The following EPHA4 variants were observed in gnomAD, a reference collection of about 807,000 sequenced individuals.
The protein encoded by EPHA4 is ephrin type-A receptor 4.
Under a neutral mutation model 108.3 loss-of-function variants are expected in EPHA4, and 19 were observed. The ratio of observed to expected loss-of-function variants is 0.18; its 90% CI spans 0.12 to 0.26. EPHA4 has a LOEUF of 0.26. EPHA4 is among the 10% of genes least tolerant of loss of function. EPHA4 has a pLI of 1.00. For synonymous variants in EPHA4, 449 were observed against 455.5 expected (o/e 0.99, Z 0.18); for missense variants, 917 against 1,254.0 (o/e 0.73, Z 4.06).
chr2:221,566,872 A>AAGAAGAAGAAGGAGAAGGAGAAGG (rs1553595907), intron 2 of EPHA4, among the ~76,000 whole-genome samples: 39 of 41,584 alleles, frequency 9.4e-4, no homozygotes, highest in East Asian at 2.3e-3. Context: ...GAAGAAGAAG[A>AAGAAGAAGAAGGAGAAGGAGAAGG]AGAAGGAGAA....
At chr2:221,554,787 T>G (rs1283131580) in intron 3 of EPHA4, among the ~76,000 whole-genome samples, 1 of 152,178 alleles carries the variant, frequency 6.6e-6, no homozygotes, top group Non-Finnish European at 1.5e-5. Context: ...ATCCCAGTGG[T>G]GATTTGTACA....
chr2:221,421,783 A>T (rs1689768980), intron 17 of EPHA4, among the ~76,000 whole-genome samples: 1 of 152,252 alleles, frequency 6.6e-6, no homozygotes, highest in South Asian at 2.1e-4. Flanking sequence ...GCAGTAATTA[A>T]GACCAAAATG....
intron 3 of EPHA4, among the ~76,000 whole-genome samples, chr2:221,534,321 G>T (rs913350433): frequency 4.6e-5 from 7 of 152,220 alleles, no homozygotes; most frequent in African/African-American, 1.4e-4. Context: ...CTCTGTTTCT[G>T]CCCTGGATTC....
chr2:221,485,191 T>C (rs1023161431), intron 4 of EPHA4, among the ~76,000 whole-genome samples: 1 of 152,096 alleles, frequency 6.6e-6, no homozygotes, highest in Non-Finnish European at 1.5e-5. Flanking sequence ...AATTAGTATG[T>C]AGGACGGGGC....
chr2:221,452,532 T>C (rs1379338134), intron 8 of EPHA4, among the ~76,000 whole-genome samples: 2 of 152,218 alleles, frequency 1.3e-5, no homozygotes, highest in African/African-American at 4.8e-5. Context: ...TGGCTGAGTG[T>C]GCATGAGCCG....
At chr2:221,443,077 C>G (rs1056918109) in intron 10 of EPHA4, 63 bp from the exon 11 acceptor site, 22 of 1,528,844 alleles carry the variant, frequency 1.4e-5, no homozygotes, top group Non-Finnish European at 2.0e-5. Flanking sequence ...AGAATAACAG[C>G]TAACATTCCT....
At chr2:221,444,214 G>C (rs1263208817) in intron 9 of EPHA4, among the ~76,000 whole-genome samples, 3 of 152,196 alleles carry the variant, frequency 2.0e-5, no homozygotes, top group Non-Finnish European at 4.4e-5. Context: ...AGATATTCAA[G>C]TTTGCCAGAA....
intron 3 of EPHA4, among the ~76,000 whole-genome samples, chr2:221,509,922 T>G (rs1307607980): frequency 6.6e-6 from 1 of 152,204 alleles, no homozygotes; most frequent in Non-Finnish European, 1.5e-5. Flanking sequence ...ATGTGTGAAC[T>G]TGAACAAACT....
At chr2:221,477,379 G>T (rs1180084901) in intron 5 of EPHA4, among the ~76,000 whole-genome samples, 2 of 152,178 alleles carry the variant, frequency 1.3e-5, no homozygotes, top group African/African-American at 4.8e-5. Flanking sequence ...AAAAACTATT[G>T]CTAGAACAGA....
chr2:221,562,144 C>A (rs944432856), intron 3 of EPHA4, among the ~76,000 whole-genome samples: 3 of 151,742 alleles, frequency 2.0e-5, no homozygotes, highest in Non-Finnish European at 2.9e-5. Context: ...AAAATCGAGG[C>A]CTTAATCTTT....
intron 5 of EPHA4, among the ~76,000 whole-genome samples, chr2:221,474,244 C>T (rs962674557): frequency 6.6e-6 from 1 of 152,012 alleles, no homozygotes; most frequent in African/African-American, 2.4e-5. Flanking sequence ...ACCCCGAATA[C>T]AAATTCACAG....
intron 4 of EPHA4, among the ~76,000 whole-genome samples, chr2:221,492,355 C>G (rs1692170767): frequency 6.6e-6 from 1 of 152,084 alleles, no homozygotes; most frequent in Non-Finnish European, 1.5e-5. Flanking sequence ...AAAGAGGAAG[C>G]TAAAACAGCA....
chr2:221,493,180 T>C (rs1692199719), intron 4 of EPHA4, among the ~76,000 whole-genome samples: 1 of 152,190 alleles, frequency 6.6e-6, no homozygotes, highest in African/African-American at 2.4e-5. Flanking sequence ...CCCATCATTA[T>C]ATGATTAGTT....
intron 3 of EPHA4, among the ~76,000 whole-genome samples, chr2:221,560,642 T>C (rs1214032183): frequency 1.3e-5 from 2 of 152,174 alleles, no homozygotes; most frequent in Non-Finnish European, 2.9e-5. Context: ...AATGCTAGTA[T>C]CAAGTTGTTG....
At chr2:221,568,919 T>A in intron 1 of EPHA4, 134 bp from the exon 2 acceptor site, 1 of 566,090 alleles carries the variant, frequency 1.8e-6, no homozygotes. Context: ...AAACTTGGGC[T>A]CACTTATGTA....
chr2:221,426,399 A>T, intron 16 of EPHA4, 65 bp downstream of exon 16: 5 of 1,529,906 alleles, frequency 3.3e-6, no homozygotes, highest in Non-Finnish European at 4.4e-6. Context: ...CGCAGCTCAA[A>T]GCAAAAAAAG....
chr2:221,571,362 A>G lies in EPHA4; in HGVS notation c.91+796T>C, dbSNP rs1267201007. Among the ~76,000 whole-genome samples, 1 of 150,210 alleles carries G rather than the reference A, an allele frequency of 6.7e-6. No individual in the cohort carries two copies. The highest frequency in any genetic ancestry group is 2.1e-4 in the South Asian group (1 of 4,710). On this transcript the variant is annotated intron_variant, in intron 1 of 17. Coordinates refer to ENST00000281821, the MANE Select transcript of EPHA4 (RefSeq NM_004438.5). This position sits in a 1 kb window ranked among gnomAD's most constrained non-coding sequence, Gnocchi z 6.3. ...TCCCGACACAGACACACAGGCACAT[A>G]CAATCCTCCCAGCACGTCCGAACGG...
chr2:221,564,583 TTTTG>T (rs1445189246), intron 2 of EPHA4, among the ~76,000 whole-genome samples, 189 bp from the exon 3 acceptor site: 2 of 152,000 alleles, frequency 1.3e-5, no homozygotes, highest in Admixed American at 1.3e-4. Flanking sequence ...GAAGTTTTTT[TTTTG>T]TTTGTTTAAT....
rs146452092 is a variant in EPHA4, at chr2:221,454,569, C to A, written c.1715+978G>T. ...CATCCCCAGGCTTAGCCCTTTTTTT[C>A]ACCAACAGCCCCATCTTGTGAAACA... On this transcript the variant is annotated intron_variant, in intron 8 of 17. Transcript: ENST00000281821. 4.5e-3 allele frequency among the ~76,000 whole-genome samples: 684 copies of A among 152,178 alleles called. 2 individuals carry two copies. Among genetic ancestry groups the A allele is most frequent in the Middle Eastern group, 0.02 (6 of 294 alleles).
Sources: allele counts gnomAD v4.1 joint callset (sites outside exome capture counted in the v4.1 genomes callset), GRCh38; gene constraint gnomAD v4.1.1; non-coding constraint Gnocchi (gnomAD v3.1); transcripts MANE v1.5; gene names NCBI Gene and HGNC (gene_info 2026-07-23, HGNC 2026-07-21).